CCNF: variants seen among roughly 807,000 people sequenced by gnomAD.
CCNF encodes the protein cyclin F, also known as cyclin-F.
CCNF carries 30 observed loss-of-function variants against 85.4 expected under a neutral mutation model. That is an observed-to-expected ratio of 0.35 (90% confidence interval 0.26 to 0.48). CCNF has a LOEUF of 0.48. Ranked by LOEUF, CCNF falls within the 20% of genes least tolerant of loss-of-function variation. CCNF has a pLI of 0.99. For synonymous variants in CCNF, 439 were observed against 425.1 expected (o/e 1.03, Z -0.40); for missense variants, 919 against 1,010.4 (o/e 0.91, Z 1.23).
Position 2,458,597 on chromosome 16 carries a change from AGCT to A in CCNF, c.*1584_*1586del, listed in dbSNP as rs2065445167. The A allele has an allele frequency of 6.6e-6, 1 of 152,234 alleles. No homozygotes were observed. 9.4% of individuals were successfully genotyped at this position (152,234 alleles called of 1,614,324 possible). A position where few individuals can be genotyped will look rare whatever the true frequency, so the allele number is the denominator to read the frequency against. On this transcript the variant is annotated 3_prime_UTR_variant, in exon 17 of 17. Transcript: ENST00000397066. Reference sequence around the variant, plus strand: ...ACCCAGGGATGGGAGATGCTCACTGAGCTGCTGCTTTTATGTGTGCTGGTGCTA... The same window carrying A: ...ACCCAGGGATGGGAGATGCTCACTGAGCTGCTTTTATGTGTGCTGGTGCTA...
In CCNF at chr16:2,438,082, T is replaced by G. The variant is rs1383337965; in HGVS notation, c.553T>G (p.Ser185Ala). The G allele has an allele frequency of 1.9e-6, 3 of 1,611,090 alleles. No homozygotes were observed. In the South Asian group the frequency reaches 3.3e-5, roughly 18 times the overall value. The change falls in exon 6 of 17, where the codon TCC becomes GCC. Residue 185 changes from serine to alanine, a missense_variant. Physicochemically the swap from Ser to Ala is moderately conservative, Grantham distance 99 (BLOSUM62 1). Around this residue, in one of 3 missense-constraint regions of CCNF, gnomAD observed 410 missense variants for 478.6 expected, o/e 0.86. Transcript: ENST00000397066. ...ECQLQRTHKASILHCLGRVLS... is the reference protein window; with the variant it reads ...ECQLQRTHKAAILHCLGRVLS... ...CCTTTTTTTAAAGACTCACAAAGCA[T>G]CCATATTGCACTGCTTGGGCAGAGT...
chr16:2,449,393 C>T lies in CCNF; in HGVS notation c.1330C>T (p.Leu444=). 6.2e-7 allele frequency: 1 copy of T among 1,612,698 alleles called. No individual in the cohort carries two copies. The highest frequency in any genetic ancestry group is 8.5e-7 in the Non-Finnish European group (1 of 1,179,988). The change falls in exon 12 of 17, where the codon CTG becomes TTG. Residue 444 remains leucine, a synonymous_variant. Coordinates refer to ENST00000397066, the MANE Select transcript of CCNF (RefSeq NM_001761.3). ...LCELSLLHTS[L]SAYAPARLAA... is the part of the protein sequence containing the mutation. ...CGAGCTCTCCCTGCTGCACACCAGC[C>T]TGTCCGCCTACGCCCCAGCCCGCCT...
At chr16:2,434,148 A>T (rs1342596417) in intron 3 of CCNF, among the ~76,000 whole-genome samples, 2 of 151,918 alleles carry the variant, frequency 1.3e-5, no homozygotes, top group African/African-American at 4.8e-5. Flanking sequence ...TCTATTAAAA[A>T]TACAAAAATT....
In CCNF at chr16:2,451,486, C is replaced by A. The variant is rs1014157841; in HGVS notation, c.1487+1571C>A. Among the ~76,000 whole-genome samples the A allele has an allele frequency of 1.3e-5, 2 of 152,220 alleles. No individual in the cohort carries two copies. The highest frequency in any genetic ancestry group is 4.8e-5 in the African/African-American group (2 of 41,452). Reference sequence around the variant, plus strand: ...CTCCTCCCACCTCTCGGCACCCCCACTCCCTGGTCTCCCACTTCCCCGCTT... The same window carrying A: ...CTCCTCCCACCTCTCGGCACCCCCAATCCCTGGTCTCCCACTTCCCCGCTT... On this transcript the variant is annotated intron_variant, in intron 13 of 16. Transcript: ENST00000397066. This position sits in a 1 kb window ranked among gnomAD's most constrained non-coding sequence, Gnocchi z 4.3.
intron 4 of CCNF, chr16:2,436,519 T>C (rs1264958145): frequency 1.3e-5 from 2 of 152,286 alleles, no homozygotes; most frequent in African/African-American, 4.8e-5. Context: ...GGTGTCTTGC[T>C]GGGAGAGAGT....
At position 2,458,188 on chromosome 16, in the gene CCNF, C is replaced by T. The variant is rs1036673478; in HGVS notation, c.*1168C>T. The T allele has an allele frequency of 6.6e-6, 1 of 152,350 alleles. No individual in the cohort carries two copies. The highest frequency in any genetic ancestry group is 1.8e-4 in the East Asian group (1 of 5,470). The allele number at this position is 152,350 out of a possible 1,614,324, so 9.4% of individuals were successfully genotyped here. Reference sequence around the variant, plus strand: ...GGCTGACCACAACACACCCTGCTGCCATCCACTTCTGTTTACTCTGCAAAT... The same window carrying T: ...GGCTGACCACAACACACCCTGCTGCTATCCACTTCTGTTTACTCTGCAAAT... On this transcript the variant is annotated 3_prime_UTR_variant, in exon 17 of 17. Transcript: ENST00000397066.
intron 5 of CCNF, 45 bp from the exon 6 acceptor site, chr16:2,438,025 A>G: frequency 7.3e-7 from 1 of 1,363,018 alleles, no homozygotes; most frequent in Non-Finnish European, 1.1e-6. Context: ...GCCCCCGGGC[A>G]GTTCTCTGTG....
intron 5 of CCNF, 198 bp downstream of exon 5, chr16:2,437,520 G>A (rs1444024767): frequency 7.4e-6 from 4 of 537,648 alleles, no homozygotes; most frequent in East Asian, 6.1e-5. Context: ...AGCCAGGGTG[G>A]GCTGTGGAGT....
At chr16:2,433,140 G>A (rs937903863) in intron 3 of CCNF, 73 bp downstream of exon 3, 18 of 922,694 alleles carry the variant, frequency 2.0e-5, no homozygotes, top group African/African-American at 3.3e-5. Flanking sequence ...TGTGTCTCAC[G>A]GCCTGATTCA....
chr16:2,437,944 C>T, intron 5 of CCNF, 126 bp from the exon 6 acceptor site: 1 of 680,506 alleles, frequency 1.5e-6, no homozygotes, highest in South Asian at 1.6e-5. Flanking sequence ...GGGAGTGGCC[C>T]TCTGCAGGGG....
chr16:2,456,976 C>T lies in CCNF; in HGVS notation c.2317C>T (p.His773Tyr). ...GGTGAAGCGGATAAACCTATGCATA[C>T]ACAGTGAGGAGGAGGACATGAACCT... The part of the protein sequence containing the change: ...QQVKRINLCI[H>Y]SEEEDMNLGL... The change falls in exon 17 of 17, where the codon CAC becomes TAC. Residue 773 changes from histidine to tyrosine, a missense_variant. His to Tyr is a moderately conservative substitution (Grantham distance 83). Transcript: ENST00000397066. This position sits in a 1 kb window ranked among gnomAD's most constrained non-coding sequence, Gnocchi z 4.5. 1 of 1,607,058 alleles carries T rather than the reference C, an allele frequency of 6.2e-7. No homozygotes were observed. Among genetic ancestry groups the T allele is most frequent in the African/African-American group, 1.3e-5 (1 of 74,932 alleles).
chr16:2,450,446 G>A (rs12933696), intron 13 of CCNF, among the ~76,000 whole-genome samples: 112,089 of 148,738 alleles, frequency 0.75, 43,197 homozygotes, highest in African/African-American at 0.92. Flanking sequence ...GGGAGGCAGA[G>A]GTTGCGGTGA....
At chr16:2,454,407 G>C (rs1468968032) in intron 15 of CCNF, among the ~76,000 whole-genome samples, 1 of 152,208 alleles carries the variant, frequency 6.6e-6, no homozygotes, top group African/African-American at 2.4e-5. Flanking sequence ...AGTCCATGCA[G>C]ATACGCACGG....
In CCNF at chr16:2,453,247, T is replaced by C. The variant is rs760953006; in HGVS notation, c.1525T>C (p.Ser509Pro). Residue 509 changes from serine to proline, a missense_variant, in exon 14 of 17, where the codon TCT (serine) becomes CCT (proline). Physicochemically the swap from Ser to Pro is moderately conservative, Grantham distance 74. Around this residue, in one of 3 missense-constraint regions of CCNF, gnomAD observed 505 missense variants for 514.8 expected, o/e 0.98. Coordinates refer to ENST00000397066, the MANE Select transcript of CCNF (RefSeq NM_001761.3). This position sits in a 1 kb window ranked among gnomAD's most constrained non-coding sequence, Gnocchi z 5.6. Reference sequence around the variant, plus strand: ...CGCCCCCAAGGACTACAGGCAAGTCTCTCTGACCGCCGTGAAGCAGCGGTT... The same window carrying C: ...CGCCCCCAAGGACTACAGGCAAGTCCCTCTGACCGCCGTGAAGCAGCGGTT... ...DDAPKDYRQV[S>P]LTAVKQRFED... The C allele has an allele frequency of 5.6e-6, 9 of 1,613,798 alleles. No homozygotes were observed. The highest frequency in any genetic ancestry group is 7.6e-6 in the Non-Finnish European group (9 of 1,180,024).
Position 2,456,839 on chromosome 16 carries a change from T to C in CCNF, c.2180T>C (p.Val727Ala), listed in dbSNP as rs1454974157. The change falls in exon 17 of 17, where the codon GTG (valine) becomes GCG (alanine). Residue 727 changes from valine to alanine, a missense_variant. Physicochemically the swap from Val to Ala is moderately conservative, Grantham distance 64. Coordinates refer to ENST00000397066, the MANE Select transcript of CCNF (RefSeq NM_001761.3). This position sits in a 1 kb window ranked among gnomAD's most constrained non-coding sequence, Gnocchi z 4.5. ...GLGALPQPTS[V>A]LSLDSDSHTQ... The stretch of plus-strand genomic sequence containing the variant: ...GGGGCCCTGCCCCAACCTACCTCAG[T>C]GCTGTCCCTGGACAGTGACTCGCAC... 2.5e-6 allele frequency: 4 copies of C among 1,613,976 alleles called. No individual in the cohort carries two copies. The South Asian group carries it at 4.4e-5, about 18-fold the overall frequency.
chr16:2,443,159 T>A (rs2065341879), intron 8 of CCNF, among the ~76,000 whole-genome samples: 1 of 131,890 alleles, frequency 7.6e-6, no homozygotes, highest in South Asian at 2.2e-4. Context: ...ATAATATATA[T>A]TATATATAAT....
At chr16:2,432,934 C>T in intron 2 of CCNF, 27 bp from the exon 3 acceptor site, 1 of 1,477,590 alleles carries the variant, frequency 6.8e-7, no homozygotes, top group Non-Finnish European at 9.4e-7. Context: ...CCTCCATCAC[C>T]CAGCCCCGGC....
In CCNF at chr16:2,455,483, G is replaced by A. The variant is rs1428509764; in HGVS notation, c.1804G>A (p.Gly602Ser). 1 of 1,606,866 alleles carries A rather than the reference G, an allele frequency of 6.2e-7. No individual in the cohort carries two copies. The highest frequency in any genetic ancestry group is 8.5e-7 in the Non-Finnish European group (1 of 1,174,470). ...ELSSQEETLL[G>S]SFLDWSLDCC... ...GTCCAGCCAGGAGGAGACGCTGCTG[G>A]GCAGCTTCCTCGACTGGAGCCTGGA... The change falls in exon 16 of 17, where the codon GGC (glycine) becomes AGC (serine). Residue 602 changes from glycine to serine, a missense_variant. Physicochemically the swap from Gly to Ser is moderately conservative, Grantham distance 56. Around this residue, in one of 3 missense-constraint regions of CCNF, gnomAD observed 505 missense variants for 514.8 expected, o/e 0.98. Transcript: ENST00000397066.
Position 2,452,990 on chromosome 16 carries a change from A to G in CCNF, c.1488-220A>G. On this transcript the variant is annotated intron_variant, in intron 13 of 16. Coordinates refer to ENST00000397066, the MANE Select transcript of CCNF (RefSeq NM_001761.3). The surrounding 1 kb of genome is among the most constrained non-coding windows in gnomAD (Gnocchi z 4.1). ...AGTCCTGCCATGAACATTCTAGTAC[A>G]GGTTTCTGTGTGGACATAGTTTTTC... The G allele has an allele frequency of 1.7e-6, 1 of 590,512 alleles. No individual in the cohort carries two copies. Among genetic ancestry groups the G allele is most frequent in the Non-Finnish European group, 3.0e-6 (1 of 330,722 alleles). 36.6% of individuals were successfully genotyped at this position (590,512 alleles called of 1,614,324 possible).
Sources: gnomAD v4.1 joint callset for allele counts (sites outside exome capture counted in the v4.1 genomes callset) on GRCh38, gnomAD v4.1.1 for gene constraint, gnomAD v4.1.1 regional missense constraint, Gnocchi (gnomAD v3.1) non-coding constraint, MANE v1.5 for transcripts, NCBI Gene and HGNC (gene_info 2026-07-23, HGNC 2026-07-21) for gene names.